The following POU6F2 variants were observed in gnomAD, a reference collection of about 807,000 sequenced individuals.
POU6F2 encodes the protein POU domain, class 6, transcription factor 2.
A neutral mutation model predicts 71.3 loss-of-function variants in POU6F2; 31 were observed. The observed-to-expected ratio is 0.43, with a 90% CI of 0.33 to 0.59. The LOEUF (loss-of-function observed/expected upper bound fraction) is 0.59. Ranked by LOEUF, POU6F2 falls within the 20% of genes least tolerant of loss-of-function variation. The probability of loss-of-function intolerance (pLI) is 0.04; values close to 1 mark genes in which losing one functional copy is unlikely to be tolerated. For synonymous variants in POU6F2, 347 were observed against 355.7 expected, an observed-to-expected ratio of 0.98 and a Z score of 0.27; for missense variants, 783 against 856.8, an observed-to-expected ratio of 0.91 and a Z score of 1.07.
chr7:39,042,646 TCAA>T (rs1790213690), intron 1 of POU6F2, among the ~76,000 whole-genome samples: 1 of 152,014 alleles, frequency 6.6e-6, no homozygotes, highest in Non-Finnish European at 1.5e-5. Context: ...GTCACATTCA[TCAA>T]CAAACAGTGT....
chr7:39,311,127 T>C (rs1203589767), intron 4 of POU6F2, among the ~76,000 whole-genome samples: 1 of 151,712 alleles, frequency 6.6e-6, no homozygotes, highest in African/African-American at 2.4e-5. Flanking sequence ...CCTCACTCTT[T>C]CAGTCAAAGA....
intron 2 of POU6F2, among the ~76,000 whole-genome samples, chr7:39,203,847 G>C (rs934396150): frequency 1.3e-5 from 2 of 152,108 alleles, no homozygotes; most frequent in African/African-American, 4.8e-5. Context: ...AGCCATATTA[G>C]GGAATATGAA....
intron 5 of POU6F2, among the ~76,000 whole-genome samples, chr7:39,343,898 G>C (rs1413251736): frequency 6.6e-6 from 1 of 152,182 alleles, no homozygotes; most frequent in Non-Finnish European, 1.5e-5. Flanking sequence ...TTCAAGGTCA[G>C]GTTAATTTCT....
chr7:39,104,519 G>T (rs35923618), intron 2 of POU6F2, among the ~76,000 whole-genome samples: 6,448 of 152,260 alleles, frequency 0.042, 173 homozygotes, highest in Middle Eastern at 0.078. Context: ...CAATATGGTG[G>T]CTGGGTTCCC....
intron 7 of POU6F2, among the ~76,000 whole-genome samples, chr7:39,433,630 T>G (rs1176131001): frequency 6.6e-6 from 1 of 152,200 alleles, no homozygotes; most frequent in African/African-American, 2.4e-5. Flanking sequence ...CACTCATGCC[T>G]TAACTGTGAA....
At chr7:39,453,192 T>A (rs1176374385) in intron 8 of POU6F2, among the ~76,000 whole-genome samples, 2 of 152,248 alleles carry the variant, frequency 1.3e-5, no homozygotes, top group Non-Finnish European at 2.9e-5. Context: ...ATATGCATTT[T>A]CCATCAACTG....
chr7:39,383,030 A>G (rs1031846665), intron 5 of POU6F2, among the ~76,000 whole-genome samples: 4 of 152,192 alleles, frequency 2.6e-5, no homozygotes, highest in South Asian at 2.1e-4. Flanking sequence ...TTTCCGCAAA[A>G]AGTACTTATA....
intron 2 of POU6F2, among the ~76,000 whole-genome samples, chr7:39,134,849 C>CA (rs1792358002): frequency 6.6e-6 from 1 of 152,098 alleles, no homozygotes; most frequent in South Asian, 2.1e-4. Context: ...AAAAGCTTCG[C>CA]AAGTGCATTA....
chr7:39,306,866 G>A (rs997294285), intron 4 of POU6F2, among the ~76,000 whole-genome samples: 15 of 152,194 alleles, frequency 9.9e-5, no homozygotes, highest in African/African-American at 3.6e-4. Context: ...TCTGCCAGAG[G>A]ACCCTGTTTC....
intron 2 of POU6F2, among the ~76,000 whole-genome samples, chr7:39,175,963 G>A (rs570015560): frequency 1.5e-4 from 23 of 152,264 alleles, no homozygotes; most frequent in African/African-American, 5.5e-4. Context: ...ACTGGCCCAT[G>A]GCTGCCTTTA....
Position 39,464,561 on chromosome 7 carries a change from G to A in POU6F2, c.2038G>A (p.Val680Ile), listed in dbSNP as rs377002404. ...GAAGCTGAACTATGACCGAGAAGTA[G>A]TTAGAGTTTGGTTCTGCAATAAGAG... is the stretch of plus-strand genomic sequence containing the variant. ...AEKLNYDREVVRVWFCNKRQA... is the reference protein window; with the variant it reads ...AEKLNYDREVIRVWFCNKRQA... Residue 680 changes from valine (V) to isoleucine (I), a missense_variant, in exon 10 of 10, where the codon GTT becomes ATT. Coordinates refer to ENST00000518318, the MANE Select transcript of POU6F2 (RefSeq NM_001370959.1). The surrounding 1 kb of genome is among the most constrained non-coding windows in gnomAD (Gnocchi z 4.1). 4 of 1,612,860 alleles carry A rather than the reference G, an allele frequency of 2.5e-6. No homozygotes were observed. The highest frequency in any genetic ancestry group is 1.7e-5 in the Admixed American group (1 of 59,852).
Position 39,238,410 on chromosome 7 carries a change from G to A in POU6F2, c.598+30790G>A, listed in dbSNP as rs1307484986. 2.0e-5 allele frequency among the ~76,000 whole-genome samples: 3 copies of A among 152,078 alleles called. No individual in the cohort carries two copies. The East Asian group carries it at 5.8e-4, about 29-fold the overall frequency. The stretch of plus-strand genomic sequence containing the variant: ...CTTGGCAAACTTCAGTCTGCCGGCG[G>A]AATCTCATCTACCACCTGTTTTTCT... On this transcript the variant is annotated intron_variant, in intron 4 of 9. Coordinates refer to ENST00000518318, the MANE Select transcript of POU6F2 (RefSeq NM_001370959.1).
Position 39,465,801 on chromosome 7 carries a change from A to C in POU6F2, c.*1115A>C, listed in dbSNP as rs1789058163. On this transcript the variant is annotated 3_prime_UTR_variant, in exon 10 of 10. Transcript: ENST00000518318. ...TGGCCACGTACATGGAGAGCTGACC[A>C]AAACTAATTTTGTAATATAAACATA... is the stretch of plus-strand genomic sequence containing the variant. 6.6e-6 allele frequency: 1 copy of C among 152,258 alleles called. No individual in the cohort carries two copies. The highest frequency in any genetic ancestry group is 2.4e-5 in the African/African-American group (1 of 41,458). 9.4% of individuals were successfully genotyped at this position (152,258 alleles called of 1,614,324 possible). A position where few individuals can be genotyped will look rare whatever the true frequency, so the allele number is the denominator to read the frequency against.
chr7:39,003,956 C>T (rs1048201815), intron 1 of POU6F2, among the ~76,000 whole-genome samples: 6 of 151,894 alleles, frequency 4.0e-5, no homozygotes, highest in African/African-American at 7.3e-5. Flanking sequence ...ACCAAACTTT[C>T]GGCAGTGATA....
intron 5 of POU6F2, among the ~76,000 whole-genome samples, chr7:39,403,198 T>G (rs1787344027): frequency 6.6e-6 from 1 of 152,176 alleles, no homozygotes; most frequent in Non-Finnish European, 1.5e-5. Flanking sequence ...CTTCAAAAAA[T>G]TATTCTGTTG....
chr7:39,309,504 C>T (rs1217846746), intron 4 of POU6F2, among the ~76,000 whole-genome samples: 1 of 152,118 alleles, frequency 6.6e-6, no homozygotes, highest in Non-Finnish European at 1.5e-5. Flanking sequence ...CATGGCTGTC[C>T]ATAAAGAAGA....
At chr7:39,285,886 G>C (rs900656981) in intron 4 of POU6F2, among the ~76,000 whole-genome samples, 3 of 152,186 alleles carry the variant, frequency 2.0e-5, no homozygotes, top group Non-Finnish European at 4.4e-5. Flanking sequence ...TTTCAGGATT[G>C]CATATGATCT....
intron 4 of POU6F2, among the ~76,000 whole-genome samples, chr7:39,322,542 A>G (rs1045724612): frequency 6.6e-6 from 1 of 152,212 alleles, no homozygotes; most frequent in Non-Finnish European, 1.5e-5. Flanking sequence ...CTGTTTATCC[A>G]GATAACCTTT....
intron 4 of POU6F2, among the ~76,000 whole-genome samples, chr7:39,297,446 G>A (rs1459064136): frequency 1.3e-5 from 2 of 152,284 alleles, no homozygotes; most frequent in African/African-American, 4.8e-5. Context: ...TTGGTTAAGT[G>A]TATAGTTGCC....
Sources: gnomAD v4.1 joint callset for allele counts (sites outside exome capture counted in the v4.1 genomes callset) on GRCh38, gnomAD v4.1.1 for gene constraint, Gnocchi (gnomAD v3.1) non-coding constraint, MANE v1.5 for transcripts, NCBI Gene and HGNC (gene_info 2026-07-23, HGNC 2026-07-21) for gene names.